TENM4: variants seen among roughly 807,000 people sequenced by gnomAD.
TENM4 encodes the protein teneurin-4.
A neutral mutation model predicts 243.3 loss-of-function variants in TENM4; 82 were observed. The observed-to-expected ratio is 0.34, with a 90% CI of 0.28 to 0.40. The LOEUF is 0.40. TENM4 is among the 10% of genes least tolerant of loss of function. TENM4 has a pLI of 1.00. For missense variants in TENM4, 3,138 were observed against 3,673.3 expected (o/e 0.85, Z 3.77); for synonymous variants, 1,412 against 1,456.3 (o/e 0.97, Z 0.69).
intron 3 of TENM4, among the ~76,000 whole-genome samples, chr11:79,207,299 A>G (rs1263466258): frequency 6.6e-6 from 1 of 152,248 alleles, no homozygotes; most frequent in Admixed American, 6.5e-5. Flanking sequence ...TGCTGTTGCC[A>G]AGAATAATAA....
At chr11:78,917,407 G>A (rs1193585599) in intron 6 of TENM4, among the ~76,000 whole-genome samples, 1 of 152,198 alleles carries the variant, frequency 6.6e-6, no homozygotes, top group Non-Finnish European at 1.5e-5. Context: ...CTCACTTGGG[G>A]GAAAAGGTGG....
chr11:78,833,155 A>G (rs962716882), intron 12 of TENM4, among the ~76,000 whole-genome samples: 10 of 152,194 alleles, frequency 6.6e-5, no homozygotes, highest in Non-Finnish European at 1.0e-4. Flanking sequence ...TCAAAATAAT[A>G]TATGTAAACA....
At chr11:79,316,515 CT>C (rs1428596038) in intron 1 of TENM4, among the ~76,000 whole-genome samples, 3 of 152,330 alleles carry the variant, frequency 2.0e-5, no homozygotes, top group African/African-American at 7.2e-5. Flanking sequence ...TTGAGTATTA[CT>C]GTCTGCAGAG....
chr11:78,811,562 A>G (rs1418514958), intron 14 of TENM4, among the ~76,000 whole-genome samples: 1 of 118,138 alleles, frequency 8.5e-6, no homozygotes, highest in African/African-American at 3.3e-5. Context: ...GCAGAGCCAT[A>G]CACATGAACA....
At position 78,729,484 on chromosome 11, in the gene TENM4, G is replaced by A. The variant is rs749538415; in HGVS notation, c.3298C>T (p.Arg1100Cys). 17 of 1,613,296 alleles carry A rather than the reference G, an allele frequency of 1.1e-5. No homozygotes were observed. In the East Asian group the frequency reaches 1.8e-4, roughly 17 times the overall value. The stretch of plus-strand genomic sequence containing the variant: ...GCAGCGAACCACTTCCTGAAGAGGC[G>A]GCCCTCCACCGCTACCATGAGGTGC... ...KVHLMVAVEG[R>C]LFRKWFAAAP... The change falls in exon 22 of 34, where the codon CGC becomes TGC. Residue 1100 changes from arginine to cysteine, a missense_variant. This residue lies in a region of TENM4 where 2,467 missense variants were observed against 3,059.1 expected (regional missense o/e 0.81). Transcript: ENST00000278550.
intron 1 of TENM4, among the ~76,000 whole-genome samples, chr11:79,348,674 T>C (rs1857368487): frequency 6.6e-6 from 1 of 152,130 alleles, no homozygotes; most frequent in Non-Finnish European, 1.5e-5. Flanking sequence ...GGAGAAGGTC[T>C]TCAGTGGGAA....
intron 2 of TENM4, among the ~76,000 whole-genome samples, chr11:79,264,565 C>T (rs1392841012): frequency 6.6e-6 from 1 of 152,100 alleles, no homozygotes; most frequent in Non-Finnish European, 1.5e-5. Flanking sequence ...GCCTCCTCTT[C>T]CCCTCAGTGT....
Position 79,344,644 on chromosome 11 carries a change from C to T in TENM4, c.-320-47101G>A, listed in dbSNP as rs138291163. ...CATTTTGAAAGTCTCAGAATCCTTC[C>T]CTGTCTTCTTCCATCTCATGCTGGG... On this transcript the variant is annotated intron_variant, in intron 1 of 33. Coordinates refer to ENST00000278550, the MANE Select transcript of TENM4 (RefSeq NM_001098816.3). 5.0e-3 allele frequency among the ~76,000 whole-genome samples: 769 copies of T among 152,284 alleles called. 4 individuals are homozygous for T. The highest frequency in any genetic ancestry group is 0.017 in the African/African-American group (713 of 41,546).
intron 4 of TENM4, among the ~76,000 whole-genome samples, chr11:79,120,006 G>A (rs1447927739): frequency 6.6e-6 from 1 of 152,160 alleles, no homozygotes; most frequent in Non-Finnish European, 1.5e-5. Flanking sequence ...CCAACTGTCT[G>A]GGTCCCCTCC....
At chr11:78,937,417 C>T (rs185704237) in intron 6 of TENM4, among the ~76,000 whole-genome samples, 129 of 152,334 alleles carry the variant, frequency 8.5e-4, no homozygotes, top group African/African-American at 3.0e-3. Context: ...CATATCGTCT[C>T]TTCTGCTTAG....
At chr11:78,759,761 T>C (rs1856390763) in intron 18 of TENM4, among the ~76,000 whole-genome samples, 1 of 152,230 alleles carries the variant, frequency 6.6e-6, no homozygotes, top group African/African-American at 2.4e-5. Context: ...TTGAATCCTC[T>C]ATGAAGTAGC....
intron 4 of TENM4, among the ~76,000 whole-genome samples, chr11:79,148,010 C>G (rs1199461058): frequency 1.3e-5 from 2 of 152,010 alleles, no homozygotes; most frequent in Non-Finnish European, 2.9e-5. Context: ...TCACCAAGCT[C>G]AGAATGATGA....
chr11:79,424,133 A>T (rs1204988724), intron 1 of TENM4, among the ~76,000 whole-genome samples: 1 of 152,194 alleles, frequency 6.6e-6, no homozygotes, highest in East Asian at 1.9e-4. Context: ...CCAACCAGGG[A>T]CGGACAATCT....
chr11:79,127,246 C>T (rs944478247), intron 4 of TENM4, among the ~76,000 whole-genome samples: 3 of 152,210 alleles, frequency 2.0e-5, no homozygotes, highest in African/African-American at 7.2e-5. Flanking sequence ...AAAATAATAT[C>T]CATCCCTGCA....
intron 6 of TENM4, among the ~76,000 whole-genome samples, chr11:78,999,331 G>A (rs1458955865): frequency 6.6e-6 from 1 of 152,084 alleles, no homozygotes; most frequent in African/African-American, 2.4e-5. Context: ...GGCTAACATG[G>A]TGAAACCCTG....
At chr11:78,727,259 T>G (rs1005438766) in intron 22 of TENM4, among the ~76,000 whole-genome samples, 1 of 152,170 alleles carries the variant, frequency 6.6e-6, no homozygotes, top group South Asian at 2.1e-4. Context: ...CCATCCTGGC[T>G]AACATGGTGA....
intron 6 of TENM4, among the ~76,000 whole-genome samples, chr11:79,057,509 C>A (rs1859972536): frequency 6.6e-6 from 1 of 152,186 alleles, no homozygotes; most frequent in African/African-American, 2.4e-5. Flanking sequence ...ACAACTGCAC[C>A]TCCCCATGAC....
chr11:79,356,016 G>A (rs534609918), intron 1 of TENM4, among the ~76,000 whole-genome samples: 5 of 152,254 alleles, frequency 3.3e-5, no homozygotes, highest in South Asian at 2.1e-4. Context: ...CTACTGCCTC[G>A]AGGGCCCACA....
rs1040260820 is a variant in TENM4 at position 79,151,527 on chromosome 11, C to G, written c.-162-2721G>C. Among the ~76,000 whole-genome samples, 7 of 152,100 alleles carry G rather than the reference C, an allele frequency of 4.6e-5. No homozygotes were observed. In the East Asian group the frequency reaches 1.4e-3, roughly 29 times the overall value. ...TTGTGGTGTTTGGGGAAGAGATGTGCTCTGTGTGTCATGTGTTAATGACTG... is the reference window on the plus strand; with the variant it reads ...TTGTGGTGTTTGGGGAAGAGATGTGGTCTGTGTGTCATGTGTTAATGACTG... On this transcript the variant is annotated intron_variant, in intron 3 of 33. Coordinates refer to ENST00000278550, the MANE Select transcript of TENM4 (RefSeq NM_001098816.3).
Sources: allele counts gnomAD v4.1 joint callset (sites outside exome capture counted in the v4.1 genomes callset), GRCh38; gene constraint gnomAD v4.1.1; regional missense constraint gnomAD v4.1.1; transcripts MANE v1.5; gene names NCBI Gene and HGNC (gene_info 2026-07-23, HGNC 2026-07-21).